Variants in ATP2B2 observed in about 807,000 individuals in gnomAD.
The protein encoded by ATP2B2 is ATPase plasma membrane Ca2+ transporting 2.
ATP2B2 carries 15 observed loss-of-function variants against 120.0 expected under a neutral mutation model. That is an observed-to-expected ratio of 0.12 (90% CI 0.08 to 0.19). ATP2B2 has a LOEUF of 0.19. Among genes scored for constraint, ATP2B2 ranks in the 10% least tolerant of loss-of-function variants. The pLI is 1.00. For missense variants in ATP2B2, 1,045 were observed against 1,719.8 expected, an observed-to-expected ratio of 0.61 and a Z score of 6.94; for synonymous variants, 694 against 700.3, an observed-to-expected ratio of 0.99 and a Z score of 0.14.
At chr3:10,656,843 C>T (rs544879912) in intron 1 of ATP2B2, among the ~76,000 whole-genome samples, 10 of 152,304 alleles carry the variant, frequency 6.6e-5, no homozygotes, top group South Asian at 4.2e-4. Flanking sequence ...TGGGAAGTTC[C>T]GGAGGAAGGG....
Position 10,650,553 on chromosome 3 carries a change from TGC to T in ATP2B2, c.-459-30594_-459-30593del, listed in dbSNP as rs879304347. 3.4e-3 allele frequency among the ~76,000 whole-genome samples: 512 copies of T among 152,306 alleles called. 1 individual carries two copies. Among genetic ancestry groups the T allele is most frequent in the Non-Finnish European group, 5.4e-3 (364 of 68,030 alleles). On this transcript the variant is annotated intron_variant, in intron 1 of 21. Transcript: ENST00000646379. ...GAAATTCAAGCCAGCGGCAGAAATT[TGC>T]ATAAGTAACAAGGAACTGAATGTTA...
rs1211115256 is a variant in ATP2B2 at position 10,375,102 on chromosome 3, C to T, written c.1416+328G>A. ...ATCAATGTCTAAAAATCACGAGAGT[C>T]TACATTAAGTCCAGATTTCTGGCTT... On this transcript the variant is annotated intron_variant, in intron 11 of 22. Transcript: ENST00000360273. This position sits in a 1 kb window ranked among gnomAD's most constrained non-coding sequence, Gnocchi z 4.2. Among the ~76,000 whole-genome samples, 1 of 152,166 alleles carries T rather than the reference C, an allele frequency of 6.6e-6. No homozygotes were observed. The highest frequency in any genetic ancestry group is 2.4e-5 in the African/African-American group (1 of 41,440).
At chr3:10,358,955 C>A in intron 13 of ATP2B2, 30 bp from the exon 14 acceptor site, 1 of 1,605,798 alleles carries the variant, frequency 6.2e-7, no homozygotes, top group Non-Finnish European at 8.5e-7. Context: ...AGATGGGGAG[C>A]CCAGGGAATG....
At chr3:10,677,422 G>A (rs1294825058) in intron 1 of ATP2B2, among the ~76,000 whole-genome samples, 1 of 152,170 alleles carries the variant, frequency 6.6e-6, no homozygotes, top group Non-Finnish European at 1.5e-5. Context: ...GGGATGGATA[G>A]GTGGAGCGGG....
At chr3:10,398,166 C>T (rs756199386) in intron 5 of ATP2B2, among the ~76,000 whole-genome samples, 3 of 152,164 alleles carry the variant, frequency 2.0e-5, no homozygotes, top group African/African-American at 4.8e-5. Flanking sequence ...GAACACTTTG[C>T]ACATTGCAAC....
chr3:10,631,134 G>A (rs142335379), intron 1 of ATP2B2, among the ~76,000 whole-genome samples: 1 of 152,340 alleles, frequency 6.6e-6, no homozygotes, highest in Non-Finnish European at 1.5e-5. Context: ...AATCTGTAAA[G>A]TATCATCTAC....
At chr3:10,547,935 C>A (rs1217311235) in intron 2 of ATP2B2, among the ~76,000 whole-genome samples, 3 of 152,228 alleles carry the variant, frequency 2.0e-5, no homozygotes, top group Non-Finnish European at 2.9e-5. Context: ...ATGTGTGACA[C>A]CCCTTTCCAT....
In ATP2B2 at chr3:10,346,251, T is replaced by C; in HGVS notation, c.2405-114A>G. ...GGCATGGCTTCCTCTCTGGTCCCTG[T>C]CCAGCCGCCCCCTCCATCCAGGCTC... On this transcript the variant is annotated intron_variant, in intron 16 of 22. Transcript: ENST00000360273. This position sits in a 1 kb window ranked among gnomAD's most constrained non-coding sequence, Gnocchi z 4.1. 6 of 984,946 alleles carry C rather than the reference T, an allele frequency of 6.1e-6. No individual in the cohort carries two copies. Among genetic ancestry groups the C allele is most frequent in the South Asian group, 1.4e-5 (1 of 73,934 alleles). The allele number at this position is 984,946 out of a possible 1,614,324, so 61.0% of individuals were successfully genotyped here. A position where few individuals can be genotyped will look rare whatever the true frequency, so the allele number is the denominator to read the frequency against.
intron 11 of ATP2B2, among the ~76,000 whole-genome samples, chr3:10,373,661 T>C (rs1410544516): frequency 2.0e-5 from 3 of 152,218 alleles, no homozygotes; most frequent in Non-Finnish European, 4.4e-5. Flanking sequence ...GTTAAGTACA[T>C]TATTAAAATT....
intron 5 of ATP2B2, among the ~76,000 whole-genome samples, chr3:10,395,104 G>A (rs1482280069): frequency 2.6e-5 from 4 of 152,190 alleles, no homozygotes; most frequent in Non-Finnish European, 4.4e-5. Flanking sequence ...AGGGATCATT[G>A]AATCCCCTGA....
At chr3:10,427,661 G>A (rs2063186050) in intron 2 of ATP2B2, among the ~76,000 whole-genome samples, 1 of 152,232 alleles carries the variant, frequency 6.6e-6, no homozygotes, top group Non-Finnish European at 1.5e-5. Context: ...CTGGGATGGT[G>A]AAGGTGGAGG....
At chr3:10,666,263 C>T (rs903762116) in intron 1 of ATP2B2, among the ~76,000 whole-genome samples, 6 of 152,184 alleles carry the variant, frequency 3.9e-5, no homozygotes, top group African/African-American at 7.2e-5. Context: ...TTGGCCACAA[C>T]GGAGAGAGAT....
chr3:10,388,931 AT>A (rs1054569608), intron 5 of ATP2B2, among the ~76,000 whole-genome samples: 1 of 151,966 alleles, frequency 6.6e-6, no homozygotes, highest in East Asian at 1.9e-4. Context: ...TATACCACAT[AT>A]TTTTTTTCTA....
At chr3:10,626,485 C>T (rs1216860915) in intron 1 of ATP2B2, 4 of 151,860 alleles carry the variant, frequency 2.6e-5, no homozygotes, top group Non-Finnish European at 5.9e-5. Flanking sequence ...TTAGTGAGAA[C>T]CTGGTGAAAG....
intron 16 of ATP2B2, 142 bp downstream of exon 16, chr3:10,349,970 C>T: frequency 1.6e-5 from 13 of 815,084 alleles, no homozygotes; most frequent in Non-Finnish European, 2.6e-5. Context: ...AAGGGGGTGA[C>T]ATAAGGCTGT....
intron 1 of ATP2B2, among the ~76,000 whole-genome samples, chr3:10,486,225 T>A (rs1003525905): frequency 2.6e-5 from 4 of 152,210 alleles, no homozygotes; most frequent in African/African-American, 9.6e-5. Flanking sequence ...TTTCTCTGTC[T>A]GTAGAATGGG....
chr3:10,643,019 A>G (rs1486167520), intron 1 of ATP2B2, among the ~76,000 whole-genome samples: 19 of 152,186 alleles, frequency 1.2e-4, no homozygotes, highest in Admixed American at 1.2e-3. Flanking sequence ...AGCCAGGAAC[A>G]TCTTGTTATG....
chr3:10,614,425 A>G (rs1049301113), intron 2 of ATP2B2, among the ~76,000 whole-genome samples: 2 of 152,168 alleles, frequency 1.3e-5, no homozygotes, highest in Admixed American at 1.3e-4. Flanking sequence ...CAGTTTCAAC[A>G]GCTTGAGCTC....
At chr3:10,429,827 T>C (rs2063258156) in intron 2 of ATP2B2, among the ~76,000 whole-genome samples, 1 of 152,248 alleles carries the variant, frequency 6.6e-6, no homozygotes, top group Non-Finnish European at 1.5e-5. Context: ...TTAAAAGTGC[T>C]ACTCCCGTGA....
Sources: allele counts gnomAD v4.1 joint callset (sites outside exome capture counted in the v4.1 genomes callset), GRCh38; gene constraint gnomAD v4.1.1; non-coding constraint Gnocchi (gnomAD v3.1); transcripts MANE v1.5; gene names NCBI Gene and HGNC (gene_info 2026-07-23, HGNC 2026-07-21).